Variants in NAALADL2 observed in about 807,000 individuals in gnomAD.
The protein encoded by NAALADL2 is inactive N-acetylated-alpha-linked acidic dipeptidase-like protein 2.
Under a neutral mutation model 87.2 loss-of-function variants are expected in NAALADL2, and 76 were observed. The observed-to-expected ratio is 0.87, with a 90% CI of 0.72 to 1.05. The LOEUF (loss-of-function observed/expected upper bound fraction) is 1.05. Among genes scored for constraint, NAALADL2 ranks in the 50% least tolerant of loss-of-function variants. The pLI, the probability that NAALADL2 is intolerant of heterozygous loss-of-function variation, is 0.00. For synonymous variants in NAALADL2, 354 were observed against 331.0 expected (o/e 1.07, Z -0.75); for missense variants, 1,089 against 945.8 (o/e 1.15, Z -1.99).
At chr3:174,902,551 A>G (rs1442835029) in intron 1 of NAALADL2, among the ~76,000 whole-genome samples, 1 of 152,164 alleles carries the variant, frequency 6.6e-6, no homozygotes, top group Non-Finnish European at 1.5e-5. Flanking sequence ...AGAATATGAG[A>G]ACCAAAAAAG....
intron 3 of NAALADL2, among the ~76,000 whole-genome samples, chr3:174,798,697 A>T (rs1388902302): frequency 6.6e-6 from 1 of 151,938 alleles, no homozygotes; most frequent in Non-Finnish European, 1.5e-5. Context: ...GAATTTTTTT[A>T]AATTTCATTT....
At position 175,182,318 on chromosome 3, in the gene NAALADL2, T is replaced by C. The variant is rs570596039; in HGVS notation, c.546-51613T>C. 4.3e-3 allele frequency among the ~76,000 whole-genome samples: 656 copies of C among 152,166 alleles called. 2 individuals carry two copies. The highest frequency in any genetic ancestry group is 0.017 in the Middle Eastern group (5 of 294). ...ACTAGCTCTTTACCAAATGTATGGC[T>C]TGAAAATATTTTCTCCTAATTCATA... On this transcript the variant is annotated intron_variant, in intron 2 of 13. Transcript: ENST00000454872.
chr3:174,614,432 C>T (rs1000260114), intron 2 of NAALADL2, among the ~76,000 whole-genome samples: 1 of 152,150 alleles, frequency 6.6e-6, no homozygotes, highest in Non-Finnish European at 1.5e-5. Flanking sequence ...CATGGGTGAG[C>T]ATCAGTTGAG....
chr3:175,236,976 A>G (rs1746015076), intron 3 of NAALADL2, among the ~76,000 whole-genome samples: 1 of 152,286 alleles, frequency 6.6e-6, no homozygotes, highest in African/African-American at 2.4e-5. Context: ...CCTGCGTTCA[A>G]GTAGTGTGTA....
At chr3:174,672,935 A>G (rs894872664) in intron 2 of NAALADL2, among the ~76,000 whole-genome samples, 5 of 141,190 alleles carry the variant, frequency 3.5e-5, no homozygotes, top group African/African-American at 1.3e-4. Context: ...TTGTACAGTG[A>G]AAGGGGAAAC....
At chr3:174,757,676 A>T (rs983899702) in intron 3 of NAALADL2, among the ~76,000 whole-genome samples, 4 of 149,474 alleles carry the variant, frequency 2.7e-5, no homozygotes, top group East Asian at 2.0e-4. Flanking sequence ...ATTTTATTTT[A>T]TTTTTTTTTG....
In NAALADL2 at chr3:175,446,640, G is replaced by A. The variant is rs569134585; in HGVS notation, c.1091-589G>A. Reference sequence around the variant, plus strand: ...TTTCTGCTGAAGTGAGGAAGGAACAGGCACCCACACTGACTGGGTACATGA... The same window carrying A: ...TTTCTGCTGAAGTGAGGAAGGAACAAGCACCCACACTGACTGGGTACATGA... On this transcript the variant is annotated intron_variant, in intron 5 of 13. Transcript: ENST00000454872. Among the ~76,000 whole-genome samples the A allele has an allele frequency of 1.3e-4, 20 of 152,274 alleles. No homozygotes were observed. The South Asian group carries it at 3.9e-3, about 30-fold the overall frequency.
chr3:175,703,494 G>A (rs1739258680), intron 11 of NAALADL2, among the ~76,000 whole-genome samples: 1 of 152,188 alleles, frequency 6.6e-6, no homozygotes, highest in African/African-American at 2.4e-5. Flanking sequence ...TGTAATCCCA[G>A]CACTTTGGGA....
intron 2 of NAALADL2, among the ~76,000 whole-genome samples, chr3:174,719,392 T>C (rs1206475977): frequency 1.3e-5 from 2 of 152,216 alleles, no homozygotes; most frequent in Non-Finnish European, 2.9e-5. Context: ...TTTATTACAA[T>C]TGTGATTTTA....
intron 11 of NAALADL2, among the ~76,000 whole-genome samples, chr3:175,717,914 A>G (rs984114637): frequency 1.3e-5 from 2 of 149,760 alleles, no homozygotes; most frequent in Admixed American, 6.7e-5. Flanking sequence ...GGCTCAAGAG[A>G]TTCTGTTGCC....
intron 4 of NAALADL2, among the ~76,000 whole-genome samples, chr3:175,288,207 T>A (rs966733388): frequency 1.3e-5 from 2 of 151,854 alleles, no homozygotes; most frequent in Non-Finnish European, 2.9e-5. Flanking sequence ...TCAGGAAAAA[T>A]TTGATGTCCC....
At chr3:174,835,727 A>G (rs1483782177) in intron 3 of NAALADL2, among the ~76,000 whole-genome samples, 1 of 152,218 alleles carries the variant, frequency 6.6e-6, no homozygotes, top group Non-Finnish European at 1.5e-5. Context: ...GAAGATATAC[A>G]AATGACCAAC....
intron 1 of NAALADL2, among the ~76,000 whole-genome samples, chr3:174,549,573 G>A (rs1487784568): frequency 6.6e-6 from 1 of 152,146 alleles, no homozygotes; most frequent in East Asian, 1.9e-4. Flanking sequence ...CATCCTTAGG[G>A]AGGTCACAAT....
intron 2 of NAALADL2, among the ~76,000 whole-genome samples, chr3:174,612,271 CT>C (rs1309577185): frequency 6.6e-6 from 1 of 151,944 alleles, no homozygotes; most frequent in African/African-American, 2.4e-5. Context: ...AGGTATTGTT[CT>C]TTGGGTTAAA....
intron 11 of NAALADL2, among the ~76,000 whole-genome samples, chr3:175,672,201 T>A (rs931573480): frequency 3.3e-5 from 5 of 152,278 alleles, no homozygotes; most frequent in African/African-American, 7.2e-5. Context: ...TTGTGTTGGC[T>A]TTTTAATGGT....
At chr3:174,805,258 G>A (rs2109268477) in intron 3 of NAALADL2, among the ~76,000 whole-genome samples, 1 of 152,214 alleles carries the variant, frequency 6.6e-6, no homozygotes, top group South Asian at 2.1e-4. Flanking sequence ...TTAAAAGAAT[G>A]ACATGTATTT....
At chr3:174,826,154 T>C (rs1024394750) in intron 3 of NAALADL2, among the ~76,000 whole-genome samples, 1 of 152,202 alleles carries the variant, frequency 6.6e-6, no homozygotes, top group African/African-American at 2.4e-5. Flanking sequence ...TGCTCTTTCC[T>C]TACAAAACCC....
chr3:175,460,809 G>A (rs778841630), intron 6 of NAALADL2, among the ~76,000 whole-genome samples: 1 of 152,144 alleles, frequency 6.6e-6, no homozygotes, highest in Non-Finnish European at 1.5e-5. Context: ...AGATGATCAT[G>A]TTCCCAAAGA....
In NAALADL2 at chr3:175,374,916, A is replaced by ATAAATAAG. The variant is rs1186202005; in HGVS notation, c.1090+50594_1090+50595insATAAGTAA. Among the ~76,000 whole-genome samples, 100 of 148,424 alleles carry ATAAATAAG rather than the reference A, an allele frequency of 6.7e-4. 1 individual carries two copies. The highest frequency in any genetic ancestry group is 1.2e-3 in the Non-Finnish European group (80 of 66,714). On this transcript the variant is annotated intron_variant, in intron 5 of 13. Transcript: ENST00000454872. ...AATAAATAAATAAATAAATAAATAAATAAGTCAAGTTGTGTAGTTTTACCT... is the reference window on the plus strand; with the variant it reads ...AATAAATAAATAAATAAATAAATAAATAAATAAGTAAGTCAAGTTGTGTAGTTTTACCT...
Sources: gnomAD v4.1 joint callset for allele counts (sites outside exome capture counted in the v4.1 genomes callset) on GRCh38, gnomAD v4.1.1 for gene constraint, MANE v1.5 for transcripts, NCBI Gene and HGNC (gene_info 2026-07-23, HGNC 2026-07-21) for gene names.